The following SCD5 variants were observed in gnomAD, a reference collection of about 807,000 sequenced individuals.
The protein encoded by SCD5 is stearoyl-CoA desaturase 5.
In SCD5, 20 loss-of-function variants were observed where a neutral mutation model predicts 30.4. The observed-to-expected ratio is 0.66, with a 90% CI of 0.46 to 0.96. The LOEUF is 0.96. Ranked by LOEUF, SCD5 falls within the 40% of genes least tolerant of loss-of-function variation. SCD5 has a pLI of 0.00. For missense variants in SCD5, 381 were observed against 443.3 expected (o/e 0.86, Z 1.26); for synonymous variants, 173 against 176.4 (o/e 0.98, Z 0.16).
intron 1 of SCD5, among the ~76,000 whole-genome samples, chr4:82,732,025 T>G (rs1197489166): frequency 6.6e-6 from 1 of 152,178 alleles, no homozygotes; most frequent in Non-Finnish European, 1.5e-5. Context: ...CTCCCCACTT[T>G]CCTCCATTAC....
At chr4:82,641,605 G>T (rs1727548730) in intron 3 of SCD5, among the ~76,000 whole-genome samples, 1 of 152,164 alleles carries the variant, frequency 6.6e-6, no homozygotes, top group Admixed American at 6.5e-5. Context: ...AGGCCCTGAA[G>T]CCATGCAGAC....
intron 1 of SCD5, among the ~76,000 whole-genome samples, chr4:82,716,404 G>T (rs1463007327): frequency 2.6e-5 from 4 of 151,864 alleles, no homozygotes; most frequent in African/African-American, 9.7e-5. Flanking sequence ...CTACATCAAA[G>T]TGTTGTTGGG....
intron 1 of SCD5, among the ~76,000 whole-genome samples, chr4:82,795,556 A>G (rs113711138): frequency 2.0e-5 from 3 of 152,262 alleles, no homozygotes; most frequent in African/African-American, 7.2e-5. Flanking sequence ...GAGACTGGGT[A>G]CAGTGGCTCA....
At chr4:82,684,481 C>T (rs1479892997) in intron 2 of SCD5, among the ~76,000 whole-genome samples, 2 of 152,174 alleles carry the variant, frequency 1.3e-5, no homozygotes, top group African/African-American at 4.8e-5. Flanking sequence ...CCTTTCTTCC[C>T]TACTTACCTG....
intron 3 of SCD5, among the ~76,000 whole-genome samples, chr4:82,675,213 A>G (rs1057300268): frequency 3.9e-5 from 6 of 152,172 alleles, no homozygotes; most frequent in African/African-American, 1.2e-4. Context: ...GAGGCTATGC[A>G]TGTGTGTGGG....
intron 1 of SCD5, among the ~76,000 whole-genome samples, chr4:82,770,324 C>A (rs1578061182): frequency 6.6e-6 from 1 of 152,272 alleles, no homozygotes; most frequent in East Asian, 1.9e-4. Context: ...GACATTTTCC[C>A]CCATGTATTT....
At chr4:82,665,387 A>T (rs1271373226) in intron 3 of SCD5, among the ~76,000 whole-genome samples, 1 of 151,942 alleles carries the variant, frequency 6.6e-6, no homozygotes, top group Non-Finnish European at 1.5e-5. Context: ...TTAAAAAAAA[A>T]ATGAATCTAG....
At chr4:82,766,374 AT>A (rs1721485876) in intron 1 of SCD5, among the ~76,000 whole-genome samples, 1 of 152,186 alleles carries the variant, frequency 6.6e-6, no homozygotes, top group Admixed American at 6.5e-5. Context: ...GTGTAAATAA[AT>A]CCTATCCAAT....
intron 1 of SCD5, among the ~76,000 whole-genome samples, chr4:82,746,856 C>T (rs951121173): frequency 1.3e-5 from 2 of 152,140 alleles, no homozygotes; most frequent in African/African-American, 4.8e-5. Flanking sequence ...CCCACTTTTA[C>T]ACTCAAGGGT....
At chr4:82,663,382 T>C (rs1262851621) in intron 3 of SCD5, among the ~76,000 whole-genome samples, 1 of 152,136 alleles carries the variant, frequency 6.6e-6, no homozygotes, top group African/African-American at 2.4e-5. Context: ...TTAGGGCCCC[T>C]AACTGGGTGC....
intron 1 of SCD5, among the ~76,000 whole-genome samples, chr4:82,715,440 T>C (rs1380492948): frequency 6.6e-6 from 1 of 151,368 alleles, no homozygotes; most frequent in Non-Finnish European, 1.5e-5. Flanking sequence ...CTGGCTTCTA[T>C]CTGGGTTATT....
At chr4:82,725,574 C>CT (rs11397701) in intron 1 of SCD5, among the ~76,000 whole-genome samples, 95,014 of 151,996 alleles carry the variant, frequency 0.63, 32,375 homozygotes, top group African/African-American at 0.91. Context: ...GAAAATAAAG[C>CT]CTGGACCGGG....
intron 3 of SCD5, among the ~76,000 whole-genome samples, chr4:82,659,581 G>A (rs528156192): frequency 6.6e-6 from 1 of 152,148 alleles, no homozygotes; most frequent in South Asian, 2.1e-4. Flanking sequence ...CCTTAATTTC[G>A]TTATTTACCC....
intron 1 of SCD5, among the ~76,000 whole-genome samples, chr4:82,746,937 T>C (rs1427711474): frequency 9.2e-6 from 1 of 108,592 alleles, no homozygotes; most frequent in Non-Finnish European, 2.2e-5. Flanking sequence ...AGACCTTAAG[T>C]GGACGCAGAC....
chr4:82,794,039 T>C (rs756620790), intron 1 of SCD5, among the ~76,000 whole-genome samples: 16 of 152,202 alleles, frequency 1.1e-4, no homozygotes, highest in Admixed American at 6.5e-5. Context: ...AATTTCAGAA[T>C]GTGACTGGTG....
At chr4:82,653,255 G>A (rs6844656) in intron 3 of SCD5, among the ~76,000 whole-genome samples, 17,560 of 152,012 alleles carry the variant, frequency 0.12, 1,229 homozygotes, top group African/African-American at 0.19. Context: ...TTTAAATCTT[G>A]GTCCCCCACA....
At chr4:82,695,845 T>G (rs1177198431) in intron 2 of SCD5, among the ~76,000 whole-genome samples, 1 of 152,208 alleles carries the variant, frequency 6.6e-6, no homozygotes, top group Non-Finnish European at 1.5e-5. Flanking sequence ...AAATCTCCCC[T>G]TCTGCAGTAG....
intron 1 of SCD5, among the ~76,000 whole-genome samples, chr4:82,796,751 A>G (rs1313901152): frequency 6.6e-6 from 1 of 152,042 alleles, no homozygotes; most frequent in Admixed American, 6.5e-5. Context: ...AGCAGGGGGG[A>G]GAGAGGAGCT....
At chr4:82,688,551 T>C (rs1728761285) in intron 2 of SCD5, among the ~76,000 whole-genome samples, 1 of 152,174 alleles carries the variant, frequency 6.6e-6, no homozygotes, top group African/African-American at 2.4e-5. Flanking sequence ...GGTCAGTACT[T>C]ATTTCTCTCC....
Sources: gnomAD v4.1 joint callset for allele counts (sites outside exome capture counted in the v4.1 genomes callset) on GRCh38, gnomAD v4.1.1 for gene constraint, MANE v1.5 for transcripts, NCBI Gene and HGNC (gene_info 2026-07-23, HGNC 2026-07-21) for gene names.